Variants in AK5 observed in about 807,000 individuals in gnomAD.
The protein encoded by AK5 is adenylate kinase 5, also known as adenylate kinase isoenzyme 5.
A neutral mutation model predicts 69.5 loss-of-function variants in AK5; 27 were observed. The observed-to-expected ratio is 0.39, with a 90% CI of 0.29 to 0.54. AK5 has a LOEUF of 0.54. Ranked by LOEUF, AK5 falls within the 20% of genes least tolerant of loss-of-function variation. The probability of loss-of-function intolerance (pLI) is 0.71; values close to 1 mark genes in which losing one functional copy is unlikely to be tolerated. For synonymous variants in AK5, 260 were observed against 244.4 expected (o/e 1.06, Z -0.60); for missense variants, 531 against 700.4 (o/e 0.76, Z 2.73).
chr1:77,402,159 T>C (rs1399786794), intron 6 of AK5, among the ~76,000 whole-genome samples: 1 of 152,194 alleles, frequency 6.6e-6, no homozygotes, highest in Non-Finnish European at 1.5e-5. Flanking sequence ...TTCTGACCCA[T>C]GAAATGTAAA....
chr1:77,404,214 A>G (rs1036111155), intron 6 of AK5, among the ~76,000 whole-genome samples: 3 of 152,120 alleles, frequency 2.0e-5, no homozygotes, highest in African/African-American at 7.2e-5. Flanking sequence ...GGGCTTCACA[A>G]TTTTTTCACG....
rs577421880 is a variant in AK5 at position 77,283,087 on chromosome 1, A to T, written c.60+714A>T. ...CGAGGGGGGCGGACTCCTGTTGCTC[A>T]GTCTTCAGACCGCAGCACAGCATCA... On this transcript the variant is annotated intron_variant, in intron 1 of 13. Coordinates refer to ENST00000354567, the MANE Select transcript of AK5 (RefSeq NM_174858.3). 110 of 985,566 alleles carry T rather than the reference A, an allele frequency of 1.1e-4. No individual in the cohort carries two copies. The African/African-American group carries it at 1.9e-3, about 17-fold the overall frequency. The allele number at this position is 985,566 out of a possible 1,614,324, so 61.1% of individuals were successfully genotyped here. A position where few individuals can be genotyped will look rare whatever the true frequency, so the allele number is the denominator to read the frequency against.
At chr1:77,386,871 A>G (rs923662877) in intron 6 of AK5, among the ~76,000 whole-genome samples, 1 of 151,728 alleles carries the variant, frequency 6.6e-6, no homozygotes, top group African/African-American at 2.4e-5. Flanking sequence ...AGTCTCTATT[A>G]TCTATTTTTT....
chr1:77,489,477 A>G (rs1655838409), intron 10 of AK5, among the ~76,000 whole-genome samples: 1 of 152,198 alleles, frequency 6.6e-6, no homozygotes, highest in Admixed American at 6.5e-5. Context: ...GCAGAATGGT[A>G]TTTTGGGACT....
At chr1:77,497,286 G>T (rs747260192) in intron 10 of AK5, among the ~76,000 whole-genome samples, 12 of 151,960 alleles carry the variant, frequency 7.9e-5, no homozygotes, top group Non-Finnish European at 1.3e-4. Context: ...AACAACTCTG[G>T]ATGTGCCACC....
chr1:77,364,312 A>G (rs1646914362), intron 6 of AK5, among the ~76,000 whole-genome samples: 1 of 152,206 alleles, frequency 6.6e-6, no homozygotes, highest in African/African-American at 2.4e-5. Context: ...TGTAAGGTGC[A>G]ATGATCAGAT....
chr1:77,493,362 C>T (rs1656112908), intron 10 of AK5, among the ~76,000 whole-genome samples: 1 of 151,912 alleles, frequency 6.6e-6, no homozygotes, highest in African/African-American at 2.4e-5. Context: ...TGGACTCAGA[C>T]TGAACTATAC....
intron 13 of AK5, among the ~76,000 whole-genome samples, chr1:77,554,746 C>T (rs1432156699): frequency 6.6e-6 from 1 of 150,726 alleles, no homozygotes; most frequent in Non-Finnish European, 1.5e-5. Context: ...GCTGGGACTA[C>T]AGGCGCCCGC....
intron 8 of AK5, among the ~76,000 whole-genome samples, chr1:77,435,854 T>A (rs1159678046): frequency 6.6e-6 from 1 of 152,190 alleles, no homozygotes; most frequent in African/African-American, 2.4e-5. Context: ...TAATCCTTAA[T>A]CCTTAGAAAG....
intron 6 of AK5, among the ~76,000 whole-genome samples, chr1:77,366,978 G>A (rs935277452): frequency 6.6e-6 from 1 of 152,052 alleles, no homozygotes; most frequent in Non-Finnish European, 1.5e-5. Flanking sequence ...CCTGTGAATA[G>A]TATCATCTTC....
chr1:77,467,064 C>T (rs1654185847), intron 8 of AK5, among the ~76,000 whole-genome samples: 1 of 152,186 alleles, frequency 6.6e-6, no homozygotes, highest in Non-Finnish European at 1.5e-5. Flanking sequence ...TAGATGTGAA[C>T]ATGCATCAAA....
intron 6 of AK5, among the ~76,000 whole-genome samples, chr1:77,392,668 T>A (rs1305160257): frequency 6.6e-6 from 1 of 152,160 alleles, no homozygotes; most frequent in Non-Finnish European, 1.5e-5. Context: ...ATCCGCACAT[T>A]CATAATAATA....
At chr1:77,533,574 G>C (rs1032840200) in intron 12 of AK5, among the ~76,000 whole-genome samples, 15 of 149,708 alleles carry the variant, frequency 1.0e-4, no homozygotes, top group Non-Finnish European at 1.9e-4. Flanking sequence ...GTGCCTGAGA[G>C]TCTATATTTC....
At chr1:77,478,929 T>C (rs1655102782) in intron 8 of AK5, among the ~76,000 whole-genome samples, 1 of 55,542 alleles carries the variant, frequency 1.8e-5, no homozygotes, top group Non-Finnish European at 3.9e-5. Flanking sequence ...CAAAAGTAGT[T>C]TTTTTTTTTT....
intron 5 of AK5, among the ~76,000 whole-genome samples, chr1:77,303,570 C>A (rs1246192343): frequency 6.6e-6 from 1 of 152,232 alleles, no homozygotes; most frequent in African/African-American, 2.4e-5. Flanking sequence ...GCTGTGACAT[C>A]ACACTTCCTG....
At chr1:77,416,135 G>A (rs543130100) in intron 7 of AK5, among the ~76,000 whole-genome samples, 39 of 150,926 alleles carry the variant, frequency 2.6e-4, no homozygotes, top group Admixed American at 7.3e-4. Flanking sequence ...GAGTATTTTG[G>A]CCCCAAAATA....
intron 8 of AK5, among the ~76,000 whole-genome samples, chr1:77,471,153 A>G (rs1421491439): frequency 6.6e-6 from 1 of 151,840 alleles, no homozygotes; most frequent in East Asian, 1.9e-4. Context: ...AAGTGCTGGA[A>G]TTACAGGCGT....
chr1:77,365,842 T>C (rs1054730510), intron 6 of AK5, among the ~76,000 whole-genome samples: 5 of 152,214 alleles, frequency 3.3e-5, no homozygotes, highest in Non-Finnish European at 5.9e-5. Flanking sequence ...GAGGTTTCTT[T>C]TATCTCTTTT....
chr1:77,304,474 C>T (rs1436388082), intron 5 of AK5, among the ~76,000 whole-genome samples: 5 of 150,592 alleles, frequency 3.3e-5, no homozygotes, highest in East Asian at 1.9e-4. Flanking sequence ...GGCACAATCT[C>T]GGCTCACCGC....
Sources: gnomAD v4.1 joint callset for allele counts (sites outside exome capture counted in the v4.1 genomes callset) on GRCh38, gnomAD v4.1.1 for gene constraint, MANE v1.5 for transcripts, NCBI Gene and HGNC (gene_info 2026-07-23, HGNC 2026-07-21) for gene names.